The following TEKT5 variants were observed in gnomAD, a reference collection of about 807,000 sequenced individuals.
TEKT5 encodes tektin 5.
In TEKT5, 52 loss-of-function variants were observed where a neutral mutation model predicts 48.7. The observed-to-expected ratio is 1.07, with a 90% CI of 0.86 to 1.35. The LOEUF is 1.35. Among genes scored for constraint, TEKT5 ranks in the 40% most tolerant of loss-of-function variants. The pLI is 0.00. For missense variants in TEKT5, 831 were observed against 641.6 expected (o/e 1.30, Z -3.19); for synonymous variants, 318 against 267.6 (o/e 1.19, Z -1.84).
intron 5 of TEKT5, among the ~76,000 whole-genome samples, chr16:10,644,006 C>T (rs1898033445): frequency 6.6e-6 from 1 of 152,164 alleles, no homozygotes. Flanking sequence ...CGCACCATCG[C>T]ACTCCAGACT....
chr16:10,691,939 G>C (rs1833247), intron 1 of TEKT5, among the ~76,000 whole-genome samples: 86,562 of 143,224 alleles, frequency 0.6, 26,999 homozygotes, highest in East Asian at 0.79. Flanking sequence ...CAGAGCGAGA[G>C]TCCATCTCAA....
intron 5 of TEKT5, among the ~76,000 whole-genome samples, chr16:10,674,436 C>G (rs189898097): frequency 6.6e-6 from 1 of 152,014 alleles, no homozygotes; most frequent in East Asian, 1.9e-4. Flanking sequence ...GAGTTTGAGA[C>G]CAGCCTAAGC....
intron 6 of TEKT5, among the ~76,000 whole-genome samples, chr16:10,632,203 T>C (rs1490234558): frequency 6.6e-6 from 1 of 152,228 alleles, no homozygotes; most frequent in African/African-American, 2.4e-5. Context: ...TCTGATATGG[T>C]GAACCCTAGC....
chr16:10,647,428 C>A (rs987070555), intron 5 of TEKT5, among the ~76,000 whole-genome samples: 1 of 150,574 alleles, frequency 6.6e-6, no homozygotes, highest in Admixed American at 6.6e-5. Context: ...GCTGTGATGA[C>A]GCCACTGCAC....
At chr16:10,651,566 A>G (rs927874668) in intron 5 of TEKT5, among the ~76,000 whole-genome samples, 13 of 152,198 alleles carry the variant, frequency 8.5e-5, no homozygotes, top group African/African-American at 3.1e-4. Flanking sequence ...TGTGCCAGGC[A>G]CTTTTCCAAG....
rs756990085 is a variant in TEKT5 at position 10,694,750 on chromosome 16, G to T, written c.124C>A (p.Pro42Thr). 1 of 1,614,044 alleles carries T rather than the reference G, an allele frequency of 6.2e-7. No homozygotes were observed. Among genetic ancestry groups the T allele is most frequent in the Non-Finnish European group, 8.5e-7 (1 of 1,180,008 alleles). The change falls in exon 1 of 7, where the codon CCC becomes ACC. Residue 42 changes from proline to threonine, a missense_variant. By Grantham distance (38) the Pro-to-Thr change is conservative. Coordinates refer to ENST00000283025, the MANE Select transcript of TEKT5 (RefSeq NM_144674.2). ...IQECYQPYYL[P>T]GYRYLNSWRP... is the part of the protein sequence containing the mutation. ...CATGAATTGAGGTAGCGGTACCCGG[G>T]CAGGTAGTAGGGCTGATAGCATTCC... is the stretch of plus-strand genomic sequence containing the variant.
intron 3 of TEKT5, among the ~76,000 whole-genome samples, chr16:10,688,541 G>C (rs1898905866): frequency 6.6e-6 from 1 of 152,214 alleles, no homozygotes; most frequent in Non-Finnish European, 1.5e-5. Context: ...TCTGTGTCAA[G>C]AGGGAATGAA....
intron 5 of TEKT5, among the ~76,000 whole-genome samples, chr16:10,661,568 C>G (rs1013373198): frequency 4.6e-5 from 7 of 152,230 alleles, no homozygotes; most frequent in Non-Finnish European, 1.0e-4. Flanking sequence ...TCTGGACAAG[C>G]TGAGAGACAG....
intron 5 of TEKT5, among the ~76,000 whole-genome samples, chr16:10,641,778 C>T (rs2541537): frequency 0.023 from 3,433 of 152,236 alleles, 133 homozygotes; most frequent in African/African-American, 0.079. Flanking sequence ...ACTGAGATCA[C>T]GCCACTGCAC....
chr16:10,667,464 C>A (rs1169399955), intron 5 of TEKT5, among the ~76,000 whole-genome samples: 1 of 152,194 alleles, frequency 6.6e-6, no homozygotes, highest in East Asian at 1.9e-4. Context: ...ACCAATCTGG[C>A]TGTTTCTGTA....
chr16:10,682,349 A>G (rs1898772044), intron 3 of TEKT5, among the ~76,000 whole-genome samples: 1 of 151,344 alleles, frequency 6.6e-6, no homozygotes, highest in South Asian at 2.1e-4. Flanking sequence ...TTGTTTCCAG[A>G]CAGAGTCTCA....
intron 5 of TEKT5, among the ~76,000 whole-genome samples, chr16:10,640,046 T>C (rs945638523): frequency 6.9e-6 from 1 of 144,804 alleles, no homozygotes; most frequent in African/African-American, 2.9e-5. Context: ...CTTCTTTCTC[T>C]TCCTCCTCCT....
chr16:10,637,468 G>C (rs1033998420), intron 5 of TEKT5, among the ~76,000 whole-genome samples: 5 of 149,304 alleles, frequency 3.3e-5, no homozygotes, highest in Non-Finnish European at 7.4e-5. Context: ...GGAGAGGGGA[G>C]AGGAAGGGAG....
At chr16:10,692,321 C>A (rs1248958274) in intron 1 of TEKT5, among the ~76,000 whole-genome samples, 1 of 152,102 alleles carries the variant, frequency 6.6e-6, no homozygotes, top group Non-Finnish European at 1.5e-5. Context: ...AGAATCTGCT[C>A]CCTGCATTCC....
chr16:10,649,998 C>A (rs532021697), intron 5 of TEKT5, among the ~76,000 whole-genome samples: 1 of 152,132 alleles, frequency 6.6e-6, no homozygotes, highest in Admixed American at 6.5e-5. Flanking sequence ...TCCACCACCC[C>A]CAACCCCGTT....
chr16:10,674,294 A>C (rs1898602663), intron 5 of TEKT5, among the ~76,000 whole-genome samples: 2 of 149,708 alleles, frequency 1.3e-5, no homozygotes, highest in African/African-American at 2.5e-5. Flanking sequence ...TGGCTCACCC[A>C]CCCTTGCTCC....
chr16:10,642,402 G>A (rs1025900975), intron 5 of TEKT5, among the ~76,000 whole-genome samples: 5 of 152,110 alleles, frequency 3.3e-5, no homozygotes, highest in Non-Finnish European at 7.4e-5. Context: ...CTCCCCCAGA[G>A]CCCACTGAAA....
At chr16:10,685,219 T>TTC (rs1196888776) in intron 3 of TEKT5, among the ~76,000 whole-genome samples, 1 of 152,092 alleles carries the variant, frequency 6.6e-6, no homozygotes, top group Admixed American at 6.6e-5. Context: ...TGTGCTTGCT[T>TTC]TCTCTCTCTC....
rs867844058 is a variant in TEKT5 at position 10,628,545 on chromosome 16, T to G, written c.1242-746A>C. 8.5e-5 allele frequency among the ~76,000 whole-genome samples: 13 copies of G among 152,258 alleles called. No individual in the cohort carries two copies. In the South Asian group the frequency reaches 1.9e-3, roughly 22 times the overall value. ...AGCAGCTCAAATGTCTGTGGATGGA[T>G]GGATGAGTGGATAAGCACAATGTAA... On this transcript the variant is annotated intron_variant, in intron 6 of 6. Coordinates refer to ENST00000283025, the MANE Select transcript of TEKT5 (RefSeq NM_144674.2).
Sources: gnomAD v4.1 joint callset for allele counts (sites outside exome capture counted in the v4.1 genomes callset) on GRCh38, gnomAD v4.1.1 for gene constraint, MANE v1.5 for transcripts, NCBI Gene and HGNC (gene_info 2026-07-23, HGNC 2026-07-21) for gene names.